Variants in DOK5 observed in about 807,000 individuals in gnomAD.
DOK5 encodes downstream of tyrosine kinase 5.
Under a neutral mutation model 43.3 loss-of-function variants are expected in DOK5, and 27 were observed. The observed-to-expected ratio is 0.62, with a 90% confidence interval of 0.46 to 0.86. The LOEUF is 0.86. Ranked by LOEUF, DOK5 falls within the 40% of genes least tolerant of loss-of-function variation. DOK5 has a pLI of 0.00. For missense variants in DOK5, 373 were observed against 392.9 expected (o/e 0.95, Z 0.43); for synonymous variants, 146 against 140.1 (o/e 1.04, Z -0.30).
chr20:54,618,678 G>C (rs1986891182), intron 6 of DOK5, among the ~76,000 whole-genome samples: 1 of 152,012 alleles, frequency 6.6e-6, no homozygotes, highest in Non-Finnish European at 1.5e-5. Flanking sequence ...GATAATCAGA[G>C]TACCTTTCAG....
intron 6 of DOK5, among the ~76,000 whole-genome samples, chr20:54,611,288 C>T (rs897235687): frequency 2.6e-5 from 4 of 152,104 alleles, no homozygotes; most frequent in Admixed American, 6.5e-5. Context: ...AGGCCAGGTG[C>T]GGTGGCTCAC....
intron 1 of DOK5, among the ~76,000 whole-genome samples, chr20:54,482,131 A>G (rs1245491301): frequency 1.3e-5 from 2 of 152,216 alleles, no homozygotes; most frequent in African/African-American, 4.8e-5. Context: ...TTTCGCCTTT[A>G]TAAGATTTTT....
At chr20:54,491,508 C>A (rs1600658019) in intron 1 of DOK5, among the ~76,000 whole-genome samples, 1 of 152,206 alleles carries the variant, frequency 6.6e-6, no homozygotes, top group East Asian at 1.9e-4. Flanking sequence ...GAAGAGAAAC[C>A]TGGCCAGGGT....
intron 1 of DOK5, among the ~76,000 whole-genome samples, chr20:54,497,280 A>C (rs112375563): frequency 1.1e-4 from 17 of 152,240 alleles, no homozygotes; most frequent in Non-Finnish European, 1.3e-4. Flanking sequence ...GAATATTACA[A>C]ACCCGAATGT....
At chr20:54,536,445 C>A (rs1983965810) in intron 1 of DOK5, among the ~76,000 whole-genome samples, 1 of 152,152 alleles carries the variant, frequency 6.6e-6, no homozygotes, top group African/African-American at 2.4e-5. Context: ...GTAGGTGTGC[C>A]TTTTCTTACT....
chr20:54,527,152 A>AT (rs146237308), intron 1 of DOK5, among the ~76,000 whole-genome samples: 3,616 of 152,304 alleles, frequency 0.024, 142 homozygotes, highest in African/African-American at 0.082. Context: ...ATTTTGAATG[A>AT]TATATGGGGT....
chr20:54,628,302 T>C (rs6098124), intron 6 of DOK5, among the ~76,000 whole-genome samples: 1 of 149,466 alleles, frequency 6.7e-6, no homozygotes, highest in Non-Finnish European at 1.5e-5. Flanking sequence ...CCAGCTACTC[T>C]GGAGGCTGAG....
chr20:54,544,355 G>T (rs572400789), intron 1 of DOK5, among the ~76,000 whole-genome samples: 1 of 152,114 alleles, frequency 6.6e-6, no homozygotes, highest in Non-Finnish European at 1.5e-5. Context: ...ATTGGTAGCA[G>T]CCTGTATATT....
At chr20:54,499,534 G>A (rs552782490) in intron 1 of DOK5, among the ~76,000 whole-genome samples, 1 of 152,334 alleles carries the variant, frequency 6.6e-6, no homozygotes, top group African/African-American at 2.4e-5. Context: ...TGAATGTTCT[G>A]CTAATATGGC....
intron 5 of DOK5, among the ~76,000 whole-genome samples, chr20:54,600,940 T>C (rs1986282321): frequency 6.6e-6 from 1 of 152,218 alleles, no homozygotes; most frequent in South Asian, 2.1e-4. Context: ...TTTCTCAGGC[T>C]AAAACCAGTT....
chr20:54,486,325 GATATGTCTAT>G (rs139552628), intron 1 of DOK5, among the ~76,000 whole-genome samples: 3,113 of 151,622 alleles, frequency 0.021, 98 homozygotes, highest in African/African-American at 0.066. Context: ...TATGTACAGT[GATATGTCTAT>G]ATATGTCTAT....
intron 1 of DOK5, among the ~76,000 whole-genome samples, chr20:54,534,377 T>C (rs1044971629): frequency 3.9e-5 from 6 of 152,130 alleles, no homozygotes; most frequent in Admixed American, 6.6e-5. Flanking sequence ...ATTGTAGAGA[T>C]GGGGTTTTGC....
intron 6 of DOK5, among the ~76,000 whole-genome samples, chr20:54,612,909 C>T (rs1285777696): frequency 6.6e-6 from 1 of 152,176 alleles, no homozygotes; most frequent in African/African-American, 2.4e-5. Context: ...CCCTGAGCTC[C>T]AGTTTTCTCC....
At chr20:54,600,418 A>C (rs144723739) in intron 5 of DOK5, among the ~76,000 whole-genome samples, 30 of 152,270 alleles carry the variant, frequency 2.0e-4, no homozygotes, top group Middle Eastern at 3.4e-3. Context: ...AGATTTAGTA[A>C]GTCACTAAAA....
chr20:54,560,071 T>C (rs1163133247), intron 2 of DOK5, among the ~76,000 whole-genome samples: 1 of 152,240 alleles, frequency 6.6e-6, no homozygotes, highest in African/African-American at 2.4e-5. Flanking sequence ...TTCCGCACAA[T>C]GAGCTAATGT....
intron 2 of DOK5, among the ~76,000 whole-genome samples, chr20:54,586,649 C>A (rs1985811820): frequency 6.6e-6 from 1 of 152,122 alleles, no homozygotes; most frequent in Non-Finnish European, 1.5e-5. Flanking sequence ...TATAGGACAT[C>A]ATTGGATGGT....
rs544548201 is a variant in DOK5, at chr20:54,606,917, A to G, written c.600-3471A>G. Among the ~76,000 whole-genome samples, 3 of 152,322 alleles carry G rather than the reference A, an allele frequency of 2.0e-5. No individual in the cohort carries two copies. In the South Asian group the frequency reaches 6.2e-4, roughly 32 times the overall value. On this transcript the variant is annotated intron_variant, in intron 5 of 7. Transcript: ENST00000262593. ...CTGTTCTATTTAGAGCTCTTAATGC[A>G]TTTTGTGTCTTTAATGCACAGTGGT...
intron 5 of DOK5, among the ~76,000 whole-genome samples, chr20:54,593,605 T>C (rs150972666): frequency 6.6e-6 from 1 of 152,258 alleles, no homozygotes; most frequent in Non-Finnish European, 1.5e-5. Context: ...CACAGGAGGA[T>C]TGCTTGAGCC....
intron 1 of DOK5, among the ~76,000 whole-genome samples, chr20:54,542,399 C>T (rs1474956508): frequency 2.6e-5 from 4 of 152,102 alleles, no homozygotes; most frequent in African/African-American, 4.8e-5. Context: ...AGTTAGAAAT[C>T]GAAGCTAGAC....
Sources: allele counts gnomAD v4.1 joint callset (sites outside exome capture counted in the v4.1 genomes callset), GRCh38; gene constraint gnomAD v4.1.1; transcripts MANE v1.5; gene names NCBI Gene and HGNC (gene_info 2026-07-23, HGNC 2026-07-21).